Variants in GRIK1 observed in about 807,000 individuals in gnomAD.
GRIK1 encodes glutamate receptor ionotropic, kainate 1.
GRIK1 carries 69 observed loss-of-function variants against 105.7 expected under a neutral mutation model. The ratio of observed to expected loss-of-function variants is 0.65; its 90% confidence interval spans 0.54 to 0.80. The LOEUF (loss-of-function observed/expected upper bound fraction) is 0.80. Ranked by LOEUF, GRIK1 falls within the 30% of genes least tolerant of loss-of-function variation. The pLI is 0.00. For synonymous variants in GRIK1, 438 were observed against 431.3 expected, an observed-to-expected ratio of 1.02 and a Z score of -0.19; for missense variants, 1,109 against 1,167.3, an observed-to-expected ratio of 0.95 and a Z score of 0.73.
chr21:29,848,779 A>ACATATATT (rs1555898509), intron 1 of GRIK1, among the ~76,000 whole-genome samples: 3 of 77,884 alleles, frequency 3.9e-5, no homozygotes, highest in Non-Finnish European at 6.7e-5. Flanking sequence ...ATATATATAT[A>ACATATATT]TTTTTTTTTT....
chr21:29,629,845 G>A (rs1026286986), intron 7 of GRIK1, among the ~76,000 whole-genome samples: 1 of 152,132 alleles, frequency 6.6e-6, no homozygotes, highest in Admixed American at 6.5e-5. Flanking sequence ...AGTTTGAATT[G>A]TGGCCCAGTG....
intron 1 of GRIK1, among the ~76,000 whole-genome samples, chr21:29,795,150 C>T (rs1171134334): frequency 6.7e-6 from 1 of 149,970 alleles, no homozygotes; most frequent in Non-Finnish European, 1.5e-5. Flanking sequence ...ATTGTCCTGC[C>T]TCAGCCTCCT....
intron 1 of GRIK1, among the ~76,000 whole-genome samples, chr21:29,768,575 C>T (rs752978963): frequency 6.6e-6 from 1 of 152,152 alleles, no homozygotes; most frequent in Non-Finnish European, 1.5e-5. Context: ...GTTTTCACTC[C>T]CATCGGTTAA....
intron 1 of GRIK1, among the ~76,000 whole-genome samples, chr21:29,724,360 G>GTT (rs35464032): frequency 3.3e-5 from 5 of 151,656 alleles, no homozygotes; most frequent in East Asian, 1.9e-4. Context: ...TACGATTGTT[G>GTT]GGCAACTATC....
intron 7 of GRIK1, among the ~76,000 whole-genome samples, chr21:29,620,812 T>TATATATATATAG (rs2061980007): frequency 8.5e-6 from 1 of 117,500 alleles, no homozygotes; most frequent in South Asian, 2.4e-4. Flanking sequence ...TATAGATATA[T>TATATATATATAG]ATATATAGTA....
At chr21:29,782,887 A>G (rs186124999) in intron 1 of GRIK1, among the ~76,000 whole-genome samples, 51 of 152,300 alleles carry the variant, frequency 3.3e-4, no homozygotes, top group African/African-American at 1.2e-3. Flanking sequence ...TGCAATGAAC[A>G]TCCCTACTCA....
chr21:29,758,554 A>C (rs921799727), intron 1 of GRIK1, among the ~76,000 whole-genome samples: 1 of 152,186 alleles, frequency 6.6e-6, no homozygotes, highest in African/African-American at 2.4e-5. Flanking sequence ...GCAATTCAAG[A>C]TGAGATTTGG....
At chr21:29,560,337 TTCTTTCTTTCTTTCTTTCTTTTTC>T (rs1245129615) in intron 15 of GRIK1, among the ~76,000 whole-genome samples, 17 of 120,168 alleles carry the variant, frequency 1.4e-4, no homozygotes, top group South Asian at 5.3e-4. Flanking sequence ...CTTTCTTTCT[TTCTTTCTTTCTTTCTTTCTTTTTC>T]TTTCTTCCTT....
Position 29,918,577 on chromosome 21 carries a change from T to C in GRIK1, c.118+20806A>G, listed in dbSNP as rs143556413. On this transcript the variant is annotated intron_variant, in intron 1 of 17. Transcript: ENST00000327783. ...CTTTAAATGCAACGACCAATTCTCA[T>C]CTATTTCTGGCATATTTCATAGCAC... Among the ~76,000 whole-genome samples, 1,052 of 152,246 alleles carry C rather than the reference T, an allele frequency of 6.9e-3. 5 individuals carry two copies. The highest frequency in any genetic ancestry group is 0.011 in the Non-Finnish European group (739 of 67,992).
chr21:29,877,023 A>G (rs1281039511), intron 1 of GRIK1, among the ~76,000 whole-genome samples: 1 of 152,206 alleles, frequency 6.6e-6, no homozygotes, highest in Non-Finnish European at 1.5e-5. Flanking sequence ...TGTATGGTGA[A>G]AAGTATACTT....
intron 7 of GRIK1, among the ~76,000 whole-genome samples, chr21:29,618,395 T>G (rs145461189): frequency 2.0e-5 from 3 of 152,280 alleles, no homozygotes; most frequent in Non-Finnish European, 4.4e-5. Flanking sequence ...AAGGGAACAC[T>G]TCTACACTGC....
At chr21:29,939,296 C>G in intron 1 of GRIK1, 87 bp downstream of exon 1, 1 of 772,870 alleles carries the variant, frequency 1.3e-6, no homozygotes, top group Non-Finnish European at 2.2e-6. Flanking sequence ...TGCGCCGCCG[C>G]GCGCTGCCTC....
chr21:29,558,719 ATT>A (rs923941142), intron 15 of GRIK1, among the ~76,000 whole-genome samples: 129 of 141,722 alleles, frequency 9.1e-4, no homozygotes, highest in African/African-American at 3.4e-3. Flanking sequence ...TTATATATAT[ATT>A]TTTTTGTATT....
intron 7 of GRIK1, among the ~76,000 whole-genome samples, chr21:29,605,297 A>G (rs1023890650): frequency 6.6e-6 from 1 of 152,136 alleles, no homozygotes; most frequent in African/African-American, 2.4e-5. Context: ...ACTCCCACTT[A>G]TAAGTGAGCA....
chr21:29,667,864 A>C lies in GRIK1; in HGVS notation c.726+5119T>G, dbSNP rs571416245. Among the ~76,000 whole-genome samples the C allele has an allele frequency of 3.9e-5, 6 of 152,346 alleles. No individual in the cohort carries two copies. In the East Asian group the frequency reaches 9.6e-4, roughly 24 times the overall value. Reference sequence around the variant, plus strand: ...AAAGTGACTAGGCAGTTCTCCAAAGAGCCAAATTTATTTTCAGGAAGTGAA... The same window carrying C: ...AAAGTGACTAGGCAGTTCTCCAAAGCGCCAAATTTATTTTCAGGAAGTGAA... On this transcript the variant is annotated intron_variant, in intron 4 of 17. Transcript: ENST00000327783.
At chr21:29,770,233 AGATTGTGTCACC>A (rs2065781147) in intron 1 of GRIK1, among the ~76,000 whole-genome samples, 5 of 152,244 alleles carry the variant, frequency 3.3e-5, no homozygotes, top group Admixed American at 3.3e-4. Context: ...AATTGGAAAC[AGATTGTGTCACC>A]CATCGTGCTC....
chr21:29,933,105 A>G (rs1248669234), intron 1 of GRIK1, among the ~76,000 whole-genome samples: 1 of 152,160 alleles, frequency 6.6e-6, no homozygotes, highest in African/African-American at 2.4e-5. Context: ...CATGCAAAAT[A>G]TCTGCCACCA....
At chr21:29,706,951 G>C (rs932949054) in intron 1 of GRIK1, among the ~76,000 whole-genome samples, 4 of 151,956 alleles carry the variant, frequency 2.6e-5, no homozygotes, top group African/African-American at 9.7e-5. Flanking sequence ...TGCAAGCTCC[G>C]CCTCCCGGGT....
intron 1 of GRIK1, among the ~76,000 whole-genome samples, chr21:29,763,221 G>A (rs1388397687): frequency 1.3e-5 from 2 of 152,294 alleles, no homozygotes; most frequent in East Asian, 3.9e-4. Context: ...GGTTTTATAA[G>A]TGTTTGGTAG....
Sources: allele counts gnomAD v4.1 joint callset (sites outside exome capture counted in the v4.1 genomes callset), GRCh38; gene constraint gnomAD v4.1.1; transcripts MANE v1.5; gene names NCBI Gene and HGNC (gene_info 2026-07-23, HGNC 2026-07-21).